Variants in TTN observed in about 807,000 individuals in gnomAD.
TTN encodes titin, also known as connectin.
TTN carries 1,525 observed loss-of-function variants against 3,223.0 expected under a neutral mutation model. The observed-to-expected ratio is 0.47, with a 90% CI of 0.45 to 0.49. The LOEUF (loss-of-function observed/expected upper bound fraction) is 0.49, where lower values mean the gene tolerates loss of function less well. Among genes scored for constraint, TTN ranks in the 20% least tolerant of loss-of-function variants. The probability of loss-of-function intolerance (pLI) is 0.00; values close to 1 mark genes in which losing one functional copy is unlikely to be tolerated. For missense variants in TTN, 40,786 were observed against 43,424.0 expected, an observed-to-expected ratio of 0.94 and a Z score of 5.40; for synonymous variants, 14,094 against 15,161.0, an observed-to-expected ratio of 0.93 and a Z score of 5.17.
rs924142636 is a variant in TTN at position 178,665,314 on chromosome 2, C to T, written c.36043+63G>A. On this transcript the variant is annotated intron_variant, in intron 165 of 362. Coordinates refer to ENST00000589042, the MANE Select transcript of TTN (RefSeq NM_001267550.2). Reference sequence around the variant, plus strand: ...ATTTATGAAGAGTATTAGGAAGAAACCATAGTTTTAAGAGCAGAGGACAGA... The same window carrying T: ...ATTTATGAAGAGTATTAGGAAGAAATCATAGTTTTAAGAGCAGAGGACAGA... 3.5e-6 allele frequency: 5 copies of T among 1,429,666 alleles called. No individual in the cohort carries two copies. In the African/African-American group the frequency reaches 4.2e-5, roughly 12 times the overall value. 88.6% of individuals were successfully genotyped at this position (1,429,666 alleles called of 1,614,324 possible). A position where few individuals can be genotyped will look rare whatever the true frequency, so the allele number is the denominator to read the frequency against.
At position 178,611,623 on chromosome 2, in the gene TTN, A is replaced by G. The variant is rs184856328; in HGVS notation, c.50606T>C (p.Ile16869Thr). The change falls in exon 269 of 363, where the codon ATT (isoleucine) becomes ACT (threonine). Residue 16869 changes from isoleucine (I) to threonine (T), a missense_variant. By Grantham distance (89) the Ile-to-Thr change is moderately conservative. Transcript: ENST00000589042. ...LHVTDAGRKH[I>T]AIAWKPPEKN... ...CTCTGGAGGCTTCCAAGCAATGGCAATGTGTTTTCTCCCAGCATCAGTCAC... is the reference window on the plus strand; with the variant it reads ...CTCTGGAGGCTTCCAAGCAATGGCAGTGTGTTTTCTCCCAGCATCAGTCAC... The G allele has an allele frequency of 3.7e-6, 6 of 1,613,040 alleles. No individual in the cohort carries two copies. The highest frequency in any genetic ancestry group is 2.7e-5 in the African/African-American group (2 of 74,996).
rs1337958814 is a variant in TTN, at chr2:178,799,670, G to A, written c.731C>T (p.Ala244Val). Residue 244 changes from alanine (A) to valine (V), a missense_variant, in exon 6 of 363, where the codon GCC becomes GTC. Ala to Val is a moderately conservative substitution (Grantham distance 64). Coordinates refer to ENST00000589042, the MANE Select transcript of TTN (RefSeq NM_001267550.2). ...IATVEMVIDG[A>V]AGQQLPHKTP... ...TTTATGTGGCAGCTGTTGCCCAGCG[G>A]CACCATCTATGACCATCTCAACTGT... 6.2e-7 allele frequency: 1 copy of A among 1,614,040 alleles called. No individual in the cohort carries two copies. Among genetic ancestry groups the A allele is most frequent in the African/African-American group, 1.3e-5 (1 of 74,916 alleles).
rs558840779 is a variant in TTN, at chr2:178,753,424, A to G, written c.11255-244T>C. ...TCATGAAATTTCCACTTTTAGTTCTATAATTCCCCATGCCTTTACATGCAT... is the reference window on the plus strand; with the variant it reads ...TCATGAAATTTCCACTTTTAGTTCTGTAATTCCCCATGCCTTTACATGCAT... On this transcript the variant is annotated intron_variant, in intron 46 of 362. Transcript: ENST00000589042. The G allele has an allele frequency of 8.3e-5, 33 of 396,118 alleles. 2 individuals carry two copies. The highest frequency in any genetic ancestry group is 3.3e-4 in the Admixed American group (8 of 24,040). The allele number at this position is 396,118 out of a possible 1,614,324, so 24.5% of individuals were successfully genotyped here.
In TTN at chr2:178,533,932, C is replaced by T. The variant is rs1690306487; in HGVS notation, c.102683G>A (p.Gly34228Asp). 1 of 1,613,750 alleles carries T rather than the reference C, an allele frequency of 6.2e-7. No homozygotes were observed. The change falls in exon 358 of 363, where the codon GGT (glycine) becomes GAT (aspartate). Residue 34228 changes from glycine to aspartate, a missense_variant. Gly to Asp is a moderately conservative substitution (Grantham distance 94). Transcript: ENST00000589042. The stretch of plus-strand genomic sequence containing the variant: ...GTAATAGTCATAGACTTCTCTCACA[C>T]CTTTAACAAATAGCTCTGCATAAGA... Reference protein sequence around the residue: ...DSSYAELFVKGVREVYDYYCR... With the variant: ...DSSYAELFVKDVREVYDYYCR...
chr2:178,668,749 AG>A (rs2066417930), intron 159 of TTN, among the ~76,000 whole-genome samples: 1 of 151,708 alleles, frequency 6.6e-6, no homozygotes, highest in Non-Finnish European at 1.5e-5. Context: ...AAAAAAAAAA[AG>A]GAAGAATATT....
chr2:178,783,962 A>T, intron 16 of TTN, 108 bp downstream of exon 16: 1 of 1,575,830 alleles, frequency 6.3e-7, no homozygotes, highest in South Asian at 1.1e-5. Context: ...TAGTATGGCA[A>T]AGGAGAAAGG....
Position 178,652,432 on chromosome 2 carries a change from T to A in TTN, c.39127+26A>T, listed in dbSNP as rs183059602. On this transcript the variant is annotated intron_variant, in intron 202 of 362. Coordinates refer to ENST00000589042, the MANE Select transcript of TTN (RefSeq NM_001267550.2). ...TCCAGAGCAGAAGAGTTTGATCATC[T>A]GAAGCCTAAAATCAGTGACAAATAC... 1.3e-3 allele frequency: 2,171 copies of A among 1,613,326 alleles called. 11 individuals are homozygous for A. Among genetic ancestry groups the A allele is most frequent in the South Asian group, 6.3e-3 (576 of 91,060 alleles).
Position 178,711,195 on chromosome 2 carries a change from T to C in TTN, c.28041A>G (p.Val9347=). ...CTGTATTGTCTAAAAATGATGTTTG[T>C]ACATTTGGGCTGTCTTTCAATGGCT... The part of the protein sequence containing the change: ...DGKPLKDSPN[V]QTSFLDNTAT... Residue 9347 remains valine (V), a synonymous_variant, in exon 97 of 363, where the codon GTA becomes GTG. Transcript: ENST00000589042. The C allele has an allele frequency of 6.2e-7, 1 of 1,613,870 alleles. No homozygotes were observed. The highest frequency in any genetic ancestry group is 8.5e-7 in the Non-Finnish European group (1 of 1,179,788).
rs781561933 is a variant in TTN, at chr2:178,587,123, G to C, written c.64088C>G (p.Pro21363Arg). 1.2e-6 allele frequency: 2 copies of C among 1,613,092 alleles called. No homozygotes were observed. The highest frequency in any genetic ancestry group is 2.7e-5 in the African/African-American group (2 of 74,852). The change falls in exon 307 of 363, where the codon CCT (proline) becomes CGT (arginine). Residue 21363 changes from proline (P) to arginine (R), a missense_variant. Transcript: ENST00000589042. ...GAAGAAAGCATAATACTTACTTAGAGGATCTGATGCAAGCACTGGTTTTGG... is the reference window on the plus strand; with the variant it reads ...GAAGAAAGCATAATACTTACTTAGACGATCTGATGCAAGCACTGGTTTTGG... ...DVPKPVLASD[P>R]LSEPDPPRKL...
In TTN at chr2:178,785,897, T is replaced by C. The variant is rs2093140929; in HGVS notation, c.2321A>G (p.Glu774Gly). The C allele has an allele frequency of 6.2e-7, 1 of 1,614,002 alleles. No individual in the cohort carries two copies. The highest frequency in any genetic ancestry group is 8.5e-7 in the Non-Finnish European group (1 of 1,179,998). ...VKPRVIQAPSETHIKTTDQKG... is the reference protein window; with the variant it reads ...VKPRVIQAPSGTHIKTTDQKG... ...TTGATCAGTAGTTTTGATATGAGTC[T>C]CAGAAGGAGCCTGGATTACTCTAGG... The change falls in exon 14 of 363, where the codon GAG becomes GGG. Residue 774 changes from glutamate to glycine, a missense_variant. Glu to Gly is a moderately conservative substitution (Grantham distance 98, BLOSUM62 -2). Coordinates refer to ENST00000589042, the MANE Select transcript of TTN (RefSeq NM_001267550.2).
In TTN at chr2:178,620,005, G is replaced by A. The variant is rs1268534567; in HGVS notation, c.46412C>T (p.Ala15471Val). The A allele has an allele frequency of 1.2e-6, 2 of 1,610,406 alleles. No individual in the cohort carries two copies. The highest frequency in any genetic ancestry group is 1.7e-6 in the Non-Finnish European group (2 of 1,178,448). Reference protein sequence around the residue: ...ACGVEDRKSRARLFVEEIPVE... With the variant: ...ACGVEDRKSRVRLFVEEIPVE... ...ATATGTACCTTCCACAAAAAGTCTAGCACGAGACTTCCTGTCTTCTACCCC... is the reference window on the plus strand; with the variant it reads ...ATATGTACCTTCCACAAAAAGTCTAACACGAGACTTCCTGTCTTCTACCCC... Residue 15471 changes from alanine to valine, a missense_variant, in exon 249 of 363, where the codon GCT (alanine) becomes GTT (valine). Transcript: ENST00000589042.
At position 178,617,895 on chromosome 2, in the gene TTN, G is replaced by A. The variant is rs2057647583; in HGVS notation, c.47456C>T (p.Thr15819Ile). ...MTVRAEDLSA[T>I]VTDVVEGQEY... ...CTGTCCTTCTACCACATCAGTAACA[G>A]TTGCAGACAGGTCTTCAGCTCTCAC... Residue 15819 changes from threonine to isoleucine, a missense_variant, in exon 253 of 363, where the codon ACT becomes ATT. Transcript: ENST00000589042. The A allele has an allele frequency of 1.2e-6, 2 of 1,612,648 alleles. No homozygotes were observed. Among genetic ancestry groups the A allele is most frequent in the African/African-American group, 1.3e-5 (1 of 74,914 alleles).
Position 178,669,641 on chromosome 2 carries a change from T to A in TTN, c.35421A>T (p.Glu11807Asp). The change falls in exon 158 of 363, where the codon GAA becomes GAT. Residue 11807 changes from glutamate to aspartate, a missense_variant. By Grantham distance (45) the Glu-to-Asp change is conservative. Transcript: ENST00000589042. ...TTTTCAGAACAGCTTCACGAACTTT[T>A]TCTTCTGGGACAATTTTCTTGGGTA... ...PEVPKKIVPE[E>D]KVREAVLKKP... 6.2e-7 allele frequency: 1 copy of A among 1,612,484 alleles called. No individual in the cohort carries two copies. The highest frequency in any genetic ancestry group is 8.5e-7 in the Non-Finnish European group (1 of 1,179,656).
chr2:178,757,064 T>C (rs1442415678), intron 45 of TTN, among the ~76,000 whole-genome samples: 1 of 83,252 alleles, frequency 1.2e-5, no homozygotes, highest in East Asian at 3.4e-4. Context: ...TCATTTCAGC[T>C]ATCCAAAGTG....
chr2:178,651,551 A>G lies in TTN; in HGVS notation c.39464-15T>C, dbSNP rs2062964886. 5.0e-6 allele frequency: 8 copies of G among 1,612,698 alleles called. No homozygotes were observed. Among genetic ancestry groups the G allele is most frequent in the Non-Finnish European group, 6.8e-6 (8 of 1,179,354 alleles). The stretch of plus-strand genomic sequence containing the variant: ...CACCTCGGGCACTATAAAAGATATT[A>G]GTAGTTGTTTAAGCTCATGGTTTCA... On this transcript the variant is annotated splice_polypyrimidine_tract_variant and intron_variant, in intron 206 of 362. Transcript: ENST00000589042.
At chr2:178,763,673 C>T (rs1008508430) in intron 43 of TTN, among the ~76,000 whole-genome samples, 1 of 152,166 alleles carries the variant, frequency 6.6e-6, no homozygotes, top group Non-Finnish European at 1.5e-5. Context: ...AGGCAAGATT[C>T]AAATTCAGCA....
At position 178,657,517 on chromosome 2, in the gene TTN, A is replaced by T. The variant is rs1456961159; in HGVS notation, c.38019T>A (p.Pro12673=). ...KKVPSTPPKK[P]EVPPVKVPEA... ...AAATACCTTTAACAGGTGGGACTTC[A>T]GGCTTTTTAGGAGGAGTCGAGGGCA... Residue 12673 remains proline (P), a synonymous_variant, in exon 189 of 363, where the codon CCT becomes CCA. Transcript: ENST00000589042. The T allele has an allele frequency of 1.2e-5, 19 of 1,580,064 alleles. 2 individuals carry two copies. The highest frequency in any genetic ancestry group is 1.5e-5 in the Non-Finnish European group (18 of 1,167,218).
Position 178,720,079 on chromosome 2 carries a change from G to C in TTN, c.23563C>G (p.Leu7855Val), listed in dbSNP as rs1364646771. ...GAATTAGATGCTTCTGGACTCCCCAGCTGGAGGGTTGCAATGTTATCAATG... is the reference window on the plus strand; with the variant it reads ...GAATTAGATGCTTCTGGACTCCCCACCTGGAGGGTTGCAATGTTATCAATG... ...SFIDNIATLQ[L>V]GSPEASNSGK... Residue 7855 changes from leucine to valine, a missense_variant, in exon 81 of 363, where the codon CTG (leucine) becomes GTG (valine). Transcript: ENST00000589042. 1.2e-6 allele frequency: 2 copies of C among 1,613,590 alleles called. No homozygotes were observed. Among genetic ancestry groups the C allele is most frequent in the Admixed American group, 1.7e-5 (1 of 59,980 alleles).
intron 98 of TTN, 115 bp from the exon 99 acceptor site, chr2:178,709,971 A>C: frequency 1.0e-6 from 1 of 985,822 alleles, no homozygotes; most frequent in Non-Finnish European, 1.5e-6. Context: ...CTAACCAACT[A>C]AATACACTAT....
Sources: gnomAD v4.1 joint callset for allele counts (sites outside exome capture counted in the v4.1 genomes callset) on GRCh38, gnomAD v4.1.1 for gene constraint, MANE v1.5 for transcripts, NCBI Gene and HGNC (gene_info 2026-07-23, HGNC 2026-07-21) for gene names.